PDE1A: variants seen among roughly 807,000 people sequenced by gnomAD.
The protein encoded by PDE1A is phosphodiesterase 1A, also known as dual specificity calcium/calmodulin-dependent 3',5'-cyclic nucleotide phosphodiesterase 1A.
PDE1A carries 35 observed loss-of-function variants against 61.7 expected under a neutral mutation model. The observed-to-expected ratio is 0.57, with a 90% CI of 0.43 to 0.75. The LOEUF is 0.75. PDE1A is among the 30% of genes least tolerant of loss of function. The pLI, the probability that PDE1A is intolerant of heterozygous loss-of-function variation, is 0.00. For synonymous variants in PDE1A, 232 were observed against 213.2 expected (o/e 1.09, Z -0.77); for missense variants, 597 against 630.6 (o/e 0.95, Z 0.57).
At chr2:182,152,714 C>A (rs1690857669) in intron 13 of PDE1A, among the ~76,000 whole-genome samples, 1 of 152,102 alleles carries the variant, frequency 6.6e-6, no homozygotes, top group Non-Finnish European at 1.5e-5. Flanking sequence ...AGCCACTGTG[C>A]CCAGCCTATT....
chr2:182,565,999 A>G, the PDE1A span, among the ~76,000 whole-genome samples: 3 of 152,174 alleles, frequency 2.0e-5, no homozygotes. Flanking sequence ...GACACAGAAT[A>G]CAAAATTTAT....
intron 1 of PDE1A, among the ~76,000 whole-genome samples, chr2:182,283,249 C>T (rs1000066856): frequency 3.3e-5 from 5 of 151,982 alleles, no homozygotes; most frequent in Non-Finnish European, 5.9e-5. Context: ...AGTAAATGGT[C>T]ACCTATATGT....
At chr2:182,150,992 C>T (rs1374484687) in intron 13 of PDE1A, among the ~76,000 whole-genome samples, 1 of 152,146 alleles carries the variant, frequency 6.6e-6, no homozygotes, top group Non-Finnish European at 1.5e-5. Context: ...TGAAAATATA[C>T]CAATAATAAT....
intron 1 of PDE1A, among the ~76,000 whole-genome samples, chr2:182,368,749 T>C (rs1401402592): frequency 6.6e-6 from 1 of 152,150 alleles, no homozygotes; most frequent in African/African-American, 2.4e-5. Flanking sequence ...GGGCATGTTA[T>C]CTAAACTCTC....
At chr2:182,150,525 T>C (rs1012872334) in intron 13 of PDE1A, among the ~76,000 whole-genome samples, 11 of 152,210 alleles carry the variant, frequency 7.2e-5, no homozygotes, top group Non-Finnish European at 1.3e-4. Context: ...AGAAATTGCA[T>C]ATAAACTTGT....
intron 1 of PDE1A, among the ~76,000 whole-genome samples, chr2:182,292,146 G>A (rs1250001467): frequency 6.6e-6 from 1 of 152,062 alleles, no homozygotes; most frequent in Non-Finnish European, 1.5e-5. Flanking sequence ...TATGCTTTGT[G>A]TGTATAAGGG....
the PDE1A span, among the ~76,000 whole-genome samples, chr2:182,645,570 G>GA: frequency 1.3e-5 from 2 of 152,000 alleles, no homozygotes; most frequent in Admixed American, 1.3e-4. Context: ...GAATGTTAAT[G>GA]GAGAGCTTGT....
the PDE1A span, among the ~76,000 whole-genome samples, chr2:182,704,552 C>A: frequency 6.6e-6 from 1 of 152,118 alleles, no homozygotes; most frequent in Non-Finnish European, 1.5e-5. Flanking sequence ...GCTGTGTCTA[C>A]AAATATTTAC....
the PDE1A span, among the ~76,000 whole-genome samples, chr2:182,540,366 GA>G: frequency 7.0e-3 from 762 of 108,382 alleles, 11 homozygotes; most frequent in African/African-American, 0.028. Flanking sequence ...CTGTCTCAAA[GA>G]AAAAAAAAAA....
chr2:182,313,111 G>C (rs1202952602), intron 1 of PDE1A, among the ~76,000 whole-genome samples: 1 of 152,056 alleles, frequency 6.6e-6, no homozygotes, highest in Admixed American at 6.6e-5. Flanking sequence ...TTAGTTCTAG[G>C]AGTTTTAAAA....
chr2:182,331,722 TA>T (rs1242586721), intron 1 of PDE1A, among the ~76,000 whole-genome samples: 3 of 152,242 alleles, frequency 2.0e-5, no homozygotes, highest in Non-Finnish European at 2.9e-5. Flanking sequence ...GATCCACTAT[TA>T]GTCTGATGGG....
downstream of PDE1A, among the ~76,000 whole-genome samples, chr2:182,163,292 C>T (rs1454358744): frequency 1.3e-5 from 2 of 152,134 alleles, no homozygotes; most frequent in Non-Finnish European, 2.9e-5. Context: ...CCATAAGGCC[C>T]ACCAGAAGCA....
At chr2:182,373,577 A>C (rs1057174404) in intron 1 of PDE1A, among the ~76,000 whole-genome samples, 4 of 152,246 alleles carry the variant, frequency 2.6e-5, no homozygotes, top group African/African-American at 7.2e-5. Flanking sequence ...AGGCTACTTC[A>C]TAAAATTTCC....
intron 1 of PDE1A, among the ~76,000 whole-genome samples, chr2:182,337,791 C>A (rs966470435): frequency 1.3e-5 from 2 of 152,012 alleles, no homozygotes; most frequent in African/African-American, 2.4e-5. Context: ...CAAAATGATC[C>A]TTTTCAGTGC....
At position 182,444,850 on chromosome 2, in the gene PDE1A, C is replaced by T. The variant is rs1431235912; in HGVS notation, c.101+77426G>A. ...CAGTACTTAATTTAGTACTCTTATT[C>T]TTCTTTTTGAATAGAACAAGGAAAA... On this transcript the variant is annotated intron_variant, in intron 2 of 14. Coordinates refer to the PDE1A transcript ENST00000410103. Among the ~76,000 whole-genome samples, 3 of 152,102 alleles carry T rather than the reference C, an allele frequency of 2.0e-5. No individual in the cohort carries two copies. The East Asian group carries it at 5.8e-4, about 29-fold the overall frequency.
At chr2:182,497,971 A>G (rs898447419) in intron 2 of PDE1A, among the ~76,000 whole-genome samples, 3 of 145,838 alleles carry the variant, frequency 2.1e-5, no homozygotes, top group Non-Finnish European at 4.5e-5. Flanking sequence ...GCGTGAACCC[A>G]GGAGGCAGAG....
the PDE1A span, among the ~76,000 whole-genome samples, chr2:182,662,209 A>T: frequency 6.6e-6 from 1 of 150,772 alleles, no homozygotes; most frequent in Non-Finnish European, 1.5e-5. Context: ...ATATTGCACC[A>T]TAAAGAGAAG....
At chr2:182,519,963 G>A (rs1002357631) in intron 2 of PDE1A, among the ~76,000 whole-genome samples, 11 of 151,662 alleles carry the variant, frequency 7.3e-5, no homozygotes, top group African/African-American at 2.4e-4. Flanking sequence ...AATATCTAAA[G>A]GTCTTTAGTC....
At chr2:182,628,226 C>A in the PDE1A span, among the ~76,000 whole-genome samples, 1 of 152,150 alleles carries the variant, frequency 6.6e-6, no homozygotes, top group African/African-American at 2.4e-5. Context: ...GTGAAGTAAG[C>A]AATGTCTGAG....
Sources: allele counts gnomAD v4.1 joint callset (sites outside exome capture counted in the v4.1 genomes callset), GRCh38; gene constraint gnomAD v4.1.1; transcripts MANE v1.5; gene names NCBI Gene and HGNC (gene_info 2026-07-23, HGNC 2026-07-21).